Variants in COL19A1 observed in about 807,000 individuals in gnomAD.
The protein encoded by COL19A1 is collagen alpha-1(XIX) chain.
A neutral mutation model predicts 190.2 loss-of-function variants in COL19A1; 159 were observed. The observed-to-expected ratio is 0.84, with a 90% CI of 0.73 to 0.95. COL19A1 has a LOEUF of 0.95. COL19A1 is among the 40% of genes least tolerant of loss of function. The pLI, the probability that COL19A1 is intolerant of heterozygous loss-of-function variation, is 0.00. For missense variants in COL19A1, 1,418 were observed against 1,431.9 expected (o/e 0.99, Z 0.16); for synonymous variants, 509 against 458.9 (o/e 1.11, Z -1.39).
At chr6:69,960,752 G>T (rs971809443) in intron 10 of COL19A1, among the ~76,000 whole-genome samples, 3 of 150,292 alleles carry the variant, frequency 2.0e-5, no homozygotes, top group Admixed American at 6.7e-5. Flanking sequence ...TCAGCCTCCC[G>T]AGGAGCTGGG....
intron 15 of COL19A1, chr6:70,098,555 C>A: frequency 2.3e-6 from 1 of 441,908 alleles, no homozygotes; most frequent in South Asian, 1.8e-5. Context: ...CTTCCTCTTG[C>A]ACTTAGCAGG....
chr6:70,144,244 A>G lies in COL19A1; in HGVS notation c.1661A>G (p.Gln554Arg). 6.2e-7 allele frequency: 1 copy of G among 1,612,500 alleles called. No individual in the cohort carries two copies. Among genetic ancestry groups the G allele is most frequent in the Non-Finnish European group, 8.5e-7 (1 of 1,178,854 alleles). ...LPGEHGIPGK[Q>R]GIKGEKGDPG... ...GGAGAACATGGTATCCCAGGAAAAC[A>G]AGGCATTAAAGGAGAAAAGGTATAG... The change falls in exon 24 of 51, where the codon CAA (glutamine) becomes CGA (arginine). Residue 554 changes from glutamine (Q) to arginine (R), a missense_variant. By Grantham distance (43) the Gln-to-Arg change is conservative. Coordinates refer to ENST00000620364, the MANE Select transcript of COL19A1 (RefSeq NM_001858.6).
chr6:70,107,433 A>G (rs1403242307), intron 16 of COL19A1, among the ~76,000 whole-genome samples: 2 of 152,096 alleles, frequency 1.3e-5, no homozygotes, highest in Non-Finnish European at 2.9e-5. Flanking sequence ...AAATAATAGC[A>G]CCTACCCCAC....
chr6:69,963,315 C>T (rs181735917), intron 11 of COL19A1, among the ~76,000 whole-genome samples: 27 of 152,154 alleles, frequency 1.8e-4, no homozygotes, highest in Admixed American at 1.6e-3. Flanking sequence ...TACTAAAACT[C>T]GAATAATTTC....
At chr6:69,874,490 A>G (rs982082034) in intron 1 of COL19A1, among the ~76,000 whole-genome samples, 3 of 152,166 alleles carry the variant, frequency 2.0e-5, no homozygotes, top group African/African-American at 4.8e-5. Flanking sequence ...GGTGGCTCAC[A>G]CCTGTAATCC....
rs555218214 is a variant in COL19A1, at chr6:69,886,447, C to A, written c.91+6789C>A. On this transcript the variant is annotated intron_variant, in intron 2 of 50. Coordinates refer to ENST00000620364, the MANE Select transcript of COL19A1 (RefSeq NM_001858.6). ...GGTTCTGAAGAAATTAAAAATAGAA[C>A]CACCATATGATCCAGCAACCCCTCT... Among the ~76,000 whole-genome samples the A allele has an allele frequency of 5.3e-5, 8 of 152,168 alleles. No individual in the cohort carries two copies. The South Asian group carries it at 1.7e-3, about 32-fold the overall frequency.
At chr6:70,172,141 A>G (rs933692378) in intron 41 of COL19A1, 124 bp downstream of exon 41, 14 of 724,324 alleles carry the variant, frequency 1.9e-5, no homozygotes, top group Non-Finnish European at 2.6e-5. Flanking sequence ...ACAAAAATGT[A>G]TGTACTCATG....
intron 37 of COL19A1, among the ~76,000 whole-genome samples, chr6:70,167,421 C>T (rs778648692): frequency 3.9e-5 from 6 of 151,922 alleles, no homozygotes; most frequent in Non-Finnish European, 8.8e-5. Flanking sequence ...AATAAGTTCT[C>T]CTTTAAGTGT....
chr6:70,185,695 T>C (rs745305950), intron 46 of COL19A1, among the ~76,000 whole-genome samples: 11 of 152,188 alleles, frequency 7.2e-5, no homozygotes, highest in Non-Finnish European at 1.0e-4. Context: ...ATTAATAGAA[T>C]TAATTTCTAG....
At chr6:70,049,050 A>T (rs1318689087) in intron 14 of COL19A1, among the ~76,000 whole-genome samples, 1 of 151,920 alleles carries the variant, frequency 6.6e-6, no homozygotes, top group Admixed American at 6.6e-5. Context: ...ATAAATGTAT[A>T]TATTATAGCA....
intron 36 of COL19A1, among the ~76,000 whole-genome samples, chr6:70,164,108 G>A (rs1787982978): frequency 6.6e-6 from 1 of 152,148 alleles, no homozygotes. Flanking sequence ...CAGTCGAGAA[G>A]TTCTGTCCCT....
chr6:69,893,616 AT>A (rs1769515415), intron 2 of COL19A1, among the ~76,000 whole-genome samples: 1 of 152,166 alleles, frequency 6.6e-6, no homozygotes, highest in Admixed American at 6.5e-5. Flanking sequence ...GAAAATTACA[AT>A]GTTTTACCCC....
intron 4 of COL19A1, among the ~76,000 whole-genome samples, chr6:69,902,655 G>A (rs555059558): frequency 7.2e-5 from 11 of 152,230 alleles, no homozygotes; most frequent in South Asian, 2.1e-4. Context: ...GGTTCTTTTG[G>A]GTCCTGTACC....
chr6:70,188,114 G>A lies in COL19A1; in HGVS notation c.2896G>A (p.Glu966Lys). The A allele has an allele frequency of 1.2e-6, 2 of 1,613,792 alleles. No homozygotes were observed. Among genetic ancestry groups the A allele is most frequent in the Non-Finnish European group, 1.7e-6 (2 of 1,179,870 alleles). The stretch of plus-strand genomic sequence containing the variant: ...TCCAGGAGACAGAGGCTCACAAGGT[G>A]AACGGGGAAAACCAGGCCTTACAGG... Reference protein sequence around the residue: ...GIPGDRGSQGERGKPGLTGMK... With the variant: ...GIPGDRGSQGKRGKPGLTGMK... Residue 966 changes from glutamate (E) to lysine (K), a missense_variant, in exon 47 of 51, where the codon GAA (glutamate) becomes AAA (lysine). Coordinates refer to ENST00000620364, the MANE Select transcript of COL19A1 (RefSeq NM_001858.6).
intron 10 of COL19A1, among the ~76,000 whole-genome samples, chr6:69,961,626 A>G (rs1182166528): frequency 6.6e-6 from 1 of 152,208 alleles, no homozygotes; most frequent in Non-Finnish European, 1.5e-5. Context: ...GAAAAACAAT[A>G]CCTAACAACT....
chr6:69,890,554 A>G (rs1158576743), intron 2 of COL19A1: 1 of 152,234 alleles, frequency 6.6e-6, no homozygotes, highest in Non-Finnish European at 1.5e-5. Flanking sequence ...GTATGGCAGT[A>G]TGACTAAGTT....
At chr6:70,136,218 A>T (rs1785859998) in intron 18 of COL19A1, among the ~76,000 whole-genome samples, 1 of 152,224 alleles carries the variant, frequency 6.6e-6, no homozygotes, top group African/African-American at 2.4e-5. Context: ...TAGGATATAC[A>T]TATAAAAATA....
chr6:70,098,438 G>T (rs1401467485), intron 15 of COL19A1: 14 of 513,254 alleles, frequency 2.7e-5, no homozygotes, highest in African/African-American at 7.7e-5. Flanking sequence ...TTTAGATGTT[G>T]TTCCTTCTCA....
chr6:69,921,499 CATATATATTCAT>C (rs1166795800), intron 4 of COL19A1, among the ~76,000 whole-genome samples: 4 of 12,816 alleles, frequency 3.1e-4, no homozygotes, highest in African/African-American at 7.7e-4. Flanking sequence ...CATATATATT[CATATATATTCAT>C]ATGTATATTC....
Sources: allele counts gnomAD v4.1 joint callset (sites outside exome capture counted in the v4.1 genomes callset), GRCh38; gene constraint gnomAD v4.1.1; transcripts MANE v1.5; gene names NCBI Gene and HGNC (gene_info 2026-07-23, HGNC 2026-07-21).